The following CABLES1 variants were observed in gnomAD, a reference collection of about 807,000 sequenced individuals.
CABLES1 encodes the protein CDK5 and ABL1 enzyme substrate 1.
In CABLES1, 36 loss-of-function variants were observed where a neutral mutation model predicts 57.8. The observed-to-expected ratio is 0.62, with a 90% CI of 0.48 to 0.82. CABLES1 has a LOEUF of 0.82. Among genes scored for constraint, CABLES1 ranks in the 40% least tolerant of loss-of-function variants. The probability of loss-of-function intolerance (pLI) is 0.00; values close to 1 mark genes in which losing one functional copy is unlikely to be tolerated. For missense variants in CABLES1, 767 were observed against 836.6 expected (o/e 0.92, Z 1.03); for synonymous variants, 374 against 363.0 (o/e 1.03, Z -0.35).
intron 1 of CABLES1, among the ~76,000 whole-genome samples, chr18:23,180,869 G>A (rs1442891776): frequency 6.6e-6 from 1 of 152,156 alleles, no homozygotes; most frequent in Admixed American, 6.5e-5. Flanking sequence ...CAAGAAGCAG[G>A]GGATGGAGGC....
chr18:23,217,871 G>A (rs1377706736), intron 4 of CABLES1, among the ~76,000 whole-genome samples: 3 of 152,204 alleles, frequency 2.0e-5, no homozygotes, highest in African/African-American at 4.8e-5. Flanking sequence ...TTCCTGCTTC[G>A]CAGCTGAGGC....
At chr18:23,231,483 T>A (rs1397375905) in intron 4 of CABLES1, among the ~76,000 whole-genome samples, 1 of 152,190 alleles carries the variant, frequency 6.6e-6, no homozygotes, top group African/African-American at 2.4e-5. Context: ...CCACTATTCT[T>A]GCTTATTTTC....
intron 1 of CABLES1, among the ~76,000 whole-genome samples, chr18:23,153,087 A>C (rs930089332): frequency 9.2e-5 from 14 of 151,368 alleles, no homozygotes; most frequent in East Asian, 3.9e-4. Context: ...GGCGTGAGCC[A>C]CTACGCCTGG....
rs1199838841 is a variant in CABLES1, at chr18:23,256,517, G to A, written c.1762-710G>A. 2.6e-5 allele frequency among the ~76,000 whole-genome samples: 4 copies of A among 152,114 alleles called. No individual in the cohort carries two copies. In the East Asian group the frequency reaches 7.7e-4, roughly 29 times the overall value. Reference sequence around the variant, plus strand: ...ATTTTTTGAGACAGCATCTTGCTTTGTTGCCCAGGCTGGAGTTCGGTGGCA... The same window carrying A: ...ATTTTTTGAGACAGCATCTTGCTTTATTGCCCAGGCTGGAGTTCGGTGGCA... On this transcript the variant is annotated intron_variant, in intron 9 of 9. Coordinates refer to ENST00000256925, the MANE Select transcript of CABLES1 (RefSeq NM_001100619.3).
chr18:23,248,146 G>A (rs1160766726), intron 7 of CABLES1, among the ~76,000 whole-genome samples: 1 of 152,256 alleles, frequency 6.6e-6, no homozygotes, highest in Admixed American at 6.5e-5. Flanking sequence ...CTGAGCTGTT[G>A]GCTCTCAGGG....
At chr18:23,175,854 T>G (rs1260297753) in intron 1 of CABLES1, among the ~76,000 whole-genome samples, 1 of 152,232 alleles carries the variant, frequency 6.6e-6, no homozygotes, top group Non-Finnish European at 1.5e-5. Context: ...CCAGGTAATG[T>G]GCTAATCATT....
At chr18:23,171,924 T>C (rs1040874447) in intron 1 of CABLES1, among the ~76,000 whole-genome samples, 2 of 152,118 alleles carry the variant, frequency 1.3e-5, no homozygotes, top group Non-Finnish European at 2.9e-5. Context: ...CCAAGCCTTA[T>C]GTTTCTTTTT....
Position 23,253,086 on chromosome 18 carries a change from C to G in CABLES1, c.1553+20C>G, listed in dbSNP as rs1352298675. The G allele has an allele frequency of 9.2e-6, 13 of 1,415,490 alleles. No individual in the cohort carries two copies. Among genetic ancestry groups the G allele is most frequent in the Non-Finnish European group, 1.2e-5 (12 of 999,210 alleles). The allele number at this position is 1,415,490 out of a possible 1,614,324, so 87.7% of individuals were successfully genotyped here. On this transcript the variant is annotated intron_variant, in intron 8 of 9. Coordinates refer to ENST00000256925, the MANE Select transcript of CABLES1 (RefSeq NM_001100619.3). ...TAGGAGGTACGGGAGGCTGGACTTG[C>G]CTGTGACCTTTCCCTGCAAACCCCT...
intron 2 of CABLES1, among the ~76,000 whole-genome samples, chr18:23,191,404 T>C (rs758665816): frequency 3.9e-4 from 60 of 152,280 alleles, no homozygotes; most frequent in Non-Finnish European, 7.1e-4. Context: ...GTATGTAGCA[T>C]TGTAAATTGA....
At chr18:23,170,380 CAG>C (rs1158525625) in intron 1 of CABLES1, among the ~76,000 whole-genome samples, 2 of 152,218 alleles carry the variant, frequency 1.3e-5, no homozygotes, top group South Asian at 2.1e-4. Context: ...ACACACAGAA[CAG>C]AGTCCCCTTC....
intron 7 of CABLES1, among the ~76,000 whole-genome samples, chr18:23,244,128 G>A (rs145304436): frequency 7.2e-5 from 11 of 152,298 alleles, no homozygotes; most frequent in East Asian, 3.9e-4. Flanking sequence ...AGCAGCTTGC[G>A]TTTAGAAGTG....
At chr18:23,140,051 C>T (rs1417582296) in intron 1 of CABLES1, among the ~76,000 whole-genome samples, 1 of 152,144 alleles carries the variant, frequency 6.6e-6, no homozygotes, top group African/African-American at 2.4e-5. Flanking sequence ...GGTTCCTCCC[C>T]GCCTCACAGA....
Position 23,179,447 on chromosome 18 carries a change from T to C in CABLES1, c.846-9391T>C, listed in dbSNP as rs574561017. Among the ~76,000 whole-genome samples the C allele has an allele frequency of 2.6e-5, 4 of 152,338 alleles. No individual in the cohort carries two copies. The East Asian group carries it at 5.8e-4, about 22-fold the overall frequency. On this transcript the variant is annotated intron_variant, in intron 1 of 9. Coordinates refer to ENST00000256925, the MANE Select transcript of CABLES1 (RefSeq NM_001100619.3). ...ATTCCTTTGGTCTGTATTCTGGATA[T>C]GGATCTGGCTTTCAGCGTGTTAGTT...
chr18:23,227,910 G>A (rs112573337), intron 4 of CABLES1, among the ~76,000 whole-genome samples: 4 of 152,124 alleles, frequency 2.6e-5, no homozygotes, highest in African/African-American at 9.7e-5. Context: ...ACCTATTGTT[G>A]TCCTTTGAAG....
At chr18:23,251,039 A>T (rs2048024367) in intron 7 of CABLES1, among the ~76,000 whole-genome samples, 1 of 152,214 alleles carries the variant, frequency 6.6e-6, no homozygotes, top group Non-Finnish European at 1.5e-5. Context: ...AAAGCCACCA[A>T]CTTCCATTAG....
At chr18:23,209,201 C>T (rs2047385973) in intron 3 of CABLES1, among the ~76,000 whole-genome samples, 1 of 152,198 alleles carries the variant, frequency 6.6e-6, no homozygotes, top group South Asian at 2.1e-4. Flanking sequence ...TGAGTCAGCC[C>T]TTGGTCCAGC....
At chr18:23,141,289 C>T (rs1185790591) in intron 1 of CABLES1, among the ~76,000 whole-genome samples, 1 of 152,170 alleles carries the variant, frequency 6.6e-6, no homozygotes, top group Non-Finnish European at 1.5e-5. Context: ...CTGCATTGCC[C>T]CTCTTTGGAG....
At chr18:23,251,295 A>G (rs962081680) in intron 7 of CABLES1, among the ~76,000 whole-genome samples, 1 of 152,170 alleles carries the variant, frequency 6.6e-6, no homozygotes, top group African/African-American at 2.4e-5. Flanking sequence ...TACTAAAAAT[A>G]CAAAAATTAG....
chr18:23,159,990 TAAATAAGATAAAATTATCC>T (rs960491652), intron 1 of CABLES1, among the ~76,000 whole-genome samples: 11 of 151,974 alleles, frequency 7.2e-5, no homozygotes, highest in South Asian at 2.1e-4. Flanking sequence ...TGAAATTACC[TAAATAAGATAAAATTATCC>T]AAATAAGATA....
Sources: allele counts gnomAD v4.1 joint callset (sites outside exome capture counted in the v4.1 genomes callset), GRCh38; gene constraint gnomAD v4.1.1; transcripts MANE v1.5; gene names NCBI Gene and HGNC (gene_info 2026-07-23, HGNC 2026-07-21).